ADIG: variants seen among roughly 807,000 people sequenced by gnomAD.
The protein encoded by ADIG is adipogenesis associated.
In ADIG, 12 loss-of-function variants were observed where a neutral mutation model predicts 10.7. The observed-to-expected ratio is 1.12, with a 90% CI of 0.72 to 1.82. ADIG has a LOEUF of 1.82. Among genes scored for constraint, ADIG ranks in the 40% most tolerant of loss-of-function variants. The pLI is 0.00. For synonymous variants in ADIG, 32 were observed against 35.6 expected (o/e 0.90, Z 0.36); for missense variants, 72 against 92.5 (o/e 0.78, Z 0.91).
chr20:38,581,399 A>G (rs767846028), intron 1 of ADIG, 25 bp downstream of exon 1: 1 of 1,613,728 alleles, frequency 6.2e-7, no homozygotes, highest in Non-Finnish European at 8.5e-7. Context: ...CCGTCCAGGC[A>G]GGACCCTAAT....
chr20:38,583,329 TAA>T (rs1274508028), intron 1 of ADIG, among the ~76,000 whole-genome samples: 1 of 152,194 alleles, frequency 6.6e-6, no homozygotes, highest in Non-Finnish European at 1.5e-5. Flanking sequence ...GTGAACTACT[TAA>T]GAGAGCCAAT....
rs550680510 is a variant in ADIG, at chr20:38,587,415, T to C, written c.*15-686T>C. Among the ~76,000 whole-genome samples the C allele has an allele frequency of 3.3e-5, 5 of 152,244 alleles. No homozygotes were observed. The East Asian group carries it at 9.7e-4, about 29-fold the overall frequency. On this transcript the variant is annotated intron_variant, in intron 2 of 2. Coordinates refer to ENST00000537425, the MANE Select transcript of ADIG (RefSeq NM_001393816.1). ...TCCCACCTTGACCACTGAGGGCCCT[T>C]TTCCCAGGAAAACTCCTCCTATGAA...
intron 1 of ADIG, chr20:38,585,304 C>A: frequency 1.1e-6 from 1 of 948,362 alleles, no homozygotes; most frequent in Non-Finnish European, 1.6e-6. Context: ...CCTACCTCCC[C>A]AAGATGAGTC....
chr20:38,583,442 G>C (rs1487857305), intron 1 of ADIG, among the ~76,000 whole-genome samples: 1 of 152,176 alleles, frequency 6.6e-6, no homozygotes, highest in Non-Finnish European at 1.5e-5. Flanking sequence ...GACAACACTA[G>C]TACCTGCCCC....
At chr20:38,583,075 C>A (rs1020706402) in intron 1 of ADIG, among the ~76,000 whole-genome samples, 1 of 152,210 alleles carries the variant, frequency 6.6e-6, no homozygotes, top group African/African-American at 2.4e-5. Context: ...GCCTCAGCCT[C>A]TCAAAGTGAT....
In ADIG at chr20:38,588,357, G is replaced by A; in HGVS notation, c.*271G>A. 2.3e-6 allele frequency: 3 copies of A among 1,299,316 alleles called. No individual in the cohort carries two copies. Among genetic ancestry groups the A allele is most frequent in the Non-Finnish European group, 3.0e-6 (3 of 986,388 alleles). The allele number at this position is 1,299,316 out of a possible 1,614,324, so 80.5% of individuals were successfully genotyped here. A position where few individuals can be genotyped will look rare whatever the true frequency, so the allele number is the denominator to read the frequency against. On this transcript the variant is annotated 3_prime_UTR_variant, in exon 3 of 3. Coordinates refer to ENST00000537425, the MANE Select transcript of ADIG (RefSeq NM_001393816.1). ...TGAGCAGGCCCATGGGGAGAAATTG[G>A]CCAATTTAATTCAGAGGGGTCTTAA...
intron 2 of ADIG, among the ~76,000 whole-genome samples, chr20:38,586,486 C>T (rs2088638081): frequency 6.6e-6 from 1 of 152,196 alleles, no homozygotes; most frequent in Non-Finnish European, 1.5e-5. Flanking sequence ...CACTCCCTCC[C>T]CTCTGAGGGC....
At chr20:38,588,047 T>A in intron 2 of ADIG, 54 bp from the exon 3 acceptor site, 1 of 1,242,940 alleles carries the variant, frequency 8.0e-7, no homozygotes, top group Non-Finnish European at 1.0e-6. Flanking sequence ...CTTACCCACC[T>A]CTTTTTTCTC....
intron 1 of ADIG, among the ~76,000 whole-genome samples, chr20:38,582,821 T>A (rs1306744076): frequency 6.6e-6 from 1 of 152,000 alleles, no homozygotes; most frequent in Non-Finnish European, 1.5e-5. Context: ...CTTTTTTTTT[T>A]ATTTTTATTT....
At chr20:38,581,489 T>A (rs1300307453) in intron 1 of ADIG, 115 bp downstream of exon 1, 1 of 1,451,544 alleles carries the variant, frequency 6.9e-7, no homozygotes, top group African/African-American at 1.4e-5. Flanking sequence ...TCATTTTAAG[T>A]GCTCGCTTAG....
At chr20:38,583,508 G>A (rs2088606774) in intron 1 of ADIG, among the ~76,000 whole-genome samples, 1 of 152,216 alleles carries the variant, frequency 6.6e-6, no homozygotes, top group South Asian at 2.1e-4. Context: ...ACAGGGCAGG[G>A]CACACAGTAC....
chr20:38,581,320 C>G lies in ADIG; in HGVS notation c.70C>G (p.Pro24Ala), dbSNP rs376564463. ...TTTCCTGGTTTTCTGGTTCTGCCTCCCTGTGGGTTTGCTGTTGTTATTGAT... is the reference window on the plus strand; with the variant it reads ...TTTCCTGGTTTTCTGGTTCTGCCTCGCTGTGGGTTTGCTGTTGTTATTGAT... ...FSFLVFWFCL[P>A]VGLLLLLIIW... The change falls in exon 1 of 3, where the codon CCT (proline) becomes GCT (alanine). Residue 24 changes from proline (P) to alanine (A), a missense_variant. By Grantham distance (27) the Pro-to-Ala change is conservative. Coordinates refer to ENST00000537425, the MANE Select transcript of ADIG (RefSeq NM_001393816.1). 1.2e-6 allele frequency: 2 copies of G among 1,613,986 alleles called. No individual in the cohort carries two copies. The highest frequency in any genetic ancestry group is 1.7e-6 in the Non-Finnish European group (2 of 1,179,892).
intron 1 of ADIG, among the ~76,000 whole-genome samples, chr20:38,581,871 G>C (rs2088594223): frequency 6.6e-6 from 1 of 152,224 alleles, no homozygotes; most frequent in Non-Finnish European, 1.5e-5. Flanking sequence ...GATACCTGCA[G>C]ACCACTCACT....
chr20:38,581,782 C>T (rs370534770), intron 1 of ADIG, among the ~76,000 whole-genome samples: 4 of 152,204 alleles, frequency 2.6e-5, no homozygotes, highest in Non-Finnish European at 4.4e-5. Context: ...GATTTCAGCC[C>T]CGCTCACCCT....
At chr20:38,581,848 T>C (rs1349367616) in intron 1 of ADIG, among the ~76,000 whole-genome samples, 1 of 152,208 alleles carries the variant, frequency 6.6e-6, no homozygotes, top group Non-Finnish European at 1.5e-5. Flanking sequence ...ACAGCAGCCT[T>C]AGGCATTTTT....
intron 1 of ADIG, 54 bp from the exon 2 acceptor site, chr20:38,585,975 G>A: frequency 6.6e-7 from 1 of 1,523,178 alleles, no homozygotes; most frequent in East Asian, 2.4e-5. Context: ...TCCTGGGTCA[G>A]GGGTAGGAGA....
intron 2 of ADIG, 129 bp downstream of exon 2, chr20:38,586,290 C>G: frequency 1.4e-6 from 1 of 708,160 alleles, no homozygotes; most frequent in Admixed American, 2.8e-5. Context: ...ATGACGGGTT[C>G]TCTCCAGCAT....
intron 2 of ADIG, 109 bp downstream of exon 2, chr20:38,586,270 G>A: frequency 2.4e-6 from 2 of 822,290 alleles, no homozygotes; most frequent in Admixed American, 5.4e-5. Flanking sequence ...ATGCTCCCTG[G>A]CCATGCTGGA....
chr20:38,586,266 C>T (rs1261393287), intron 2 of ADIG, 105 bp downstream of exon 2: 5 of 846,670 alleles, frequency 5.9e-6, no homozygotes, highest in East Asian at 5.4e-5. Context: ...AGGTATGCTC[C>T]CTGGCCATGC....
Sources: gnomAD v4.1 joint callset for allele counts (sites outside exome capture counted in the v4.1 genomes callset) on GRCh38, gnomAD v4.1.1 for gene constraint, MANE v1.5 for transcripts, NCBI Gene and HGNC (gene_info 2026-07-23, HGNC 2026-07-21) for gene names.